Variants in AGAP1 observed in about 807,000 individuals in gnomAD.
AGAP1 encodes ArfGAP with GTPase domain, ankyrin repeat and PH domain 1, also known as arf-GAP with GTPase, ANK repeat and PH domain-containing protein 1.
In AGAP1, 29 loss-of-function variants were observed where a neutral mutation model predicts 105.3. That is an observed-to-expected ratio of 0.28 (90% confidence interval 0.21 to 0.38). The LOEUF is 0.38. Among genes scored for constraint, AGAP1 ranks in the 10% least tolerant of loss-of-function variants. AGAP1 has a pLI of 1.00. For missense variants in AGAP1, 998 were observed against 1,165.1 expected, an observed-to-expected ratio of 0.86 and a Z score of 2.09; for synonymous variants, 509 against 485.9, an observed-to-expected ratio of 1.05 and a Z score of -0.63.
intron 16 of AGAP1, among the ~76,000 whole-genome samples, chr2:236,100,169 G>A (rs1181746100): frequency 6.6e-6 from 1 of 152,162 alleles, no homozygotes; most frequent in Non-Finnish European, 1.5e-5. Flanking sequence ...AGACCCCTGA[G>A]GCCCCCTCCG....
intron 1 of AGAP1, among the ~76,000 whole-genome samples, chr2:235,677,970 ATTCTGT>A (rs1948844816): frequency 7.6e-6 from 1 of 130,824 alleles, no homozygotes; most frequent in Non-Finnish European, 1.6e-5. Context: ...AAAACCAGTT[ATTCTGT>A]GAAAATATGC....
At chr2:235,949,554 C>T (rs896380391) in intron 12 of AGAP1, among the ~76,000 whole-genome samples, 1 of 152,146 alleles carries the variant, frequency 6.6e-6, no homozygotes, top group African/African-American at 2.4e-5. Flanking sequence ...TTAAATCCCT[C>T]GAACACCCAA....
rs1317620136 is a variant in AGAP1, at chr2:235,689,964, A to AT, written c.164-19209dup. On this transcript the variant is annotated intron_variant, in intron 1 of 17. Coordinates refer to ENST00000304032, the MANE Select transcript of AGAP1 (RefSeq NM_001037131.3). The surrounding 1 kb of genome is among the most constrained non-coding windows in gnomAD (Gnocchi z 4.2). ...GCTTTTGTTTATTTTCCCTGGTCTA[A>AT]TTTTTTCAGATGGTAAATAGATCGC... Among the ~76,000 whole-genome samples the AT allele has an allele frequency of 1.3e-5, 2 of 151,494 alleles. No homozygotes were observed. The highest frequency in any genetic ancestry group is 2.9e-5 in the Non-Finnish European group (2 of 67,886).
intron 13 of AGAP1, among the ~76,000 whole-genome samples, chr2:236,004,780 A>G (rs1211008569): frequency 6.6e-6 from 1 of 152,214 alleles, no homozygotes; most frequent in Non-Finnish European, 1.5e-5. Context: ...AATGTGACAT[A>G]TAGTGTGTGT....
intron 1 of AGAP1, among the ~76,000 whole-genome samples, chr2:235,558,361 G>A (rs546447406): frequency 1.2e-3 from 177 of 152,180 alleles, no homozygotes; most frequent in Middle Eastern, 0.01. Context: ...GTCTTTCTTG[G>A]TTTTGGTTTC....
rs993402096 is a variant in AGAP1 at position 235,546,557 on chromosome 2, A to G, written c.163+51708A>G. 1.6e-4 allele frequency among the ~76,000 whole-genome samples: 25 copies of G among 152,224 alleles called. No homozygotes were observed. The East Asian group carries it at 4.6e-3, about 28-fold the overall frequency. Reference sequence around the variant, plus strand: ...CCAGGCTGTGGCCCTTCCAAGGTGAATGGTGGTTTCCATCCAGGGTTCAGG... The same window carrying G: ...CCAGGCTGTGGCCCTTCCAAGGTGAGTGGTGGTTTCCATCCAGGGTTCAGG... On this transcript the variant is annotated intron_variant, in intron 1 of 17. Transcript: ENST00000304032.
chr2:235,570,893 G>A (rs1204667603), intron 1 of AGAP1, among the ~76,000 whole-genome samples: 1 of 152,212 alleles, frequency 6.6e-6, no homozygotes, highest in Non-Finnish European at 1.5e-5. Context: ...TTCTCACACG[G>A]CTATAAAGGA....
chr2:235,778,586 T>C (rs1003026796), intron 6 of AGAP1, among the ~76,000 whole-genome samples: 2 of 152,132 alleles, frequency 1.3e-5, no homozygotes, highest in Non-Finnish European at 2.9e-5. Flanking sequence ...CCCCCTCTCC[T>C]CCCTAGTTCA....
In AGAP1 at chr2:236,076,791, G is replaced by T. The variant is rs957680395; in HGVS notation, c.2114+27510G>T. On this transcript the variant is annotated intron_variant, in intron 16 of 17. Transcript: ENST00000304032. This position sits in a 1 kb window ranked among gnomAD's most constrained non-coding sequence, Gnocchi z 4.4. ...TCCAGTGAGCCAGGGCTACATTTTGGGAAGTGACTGTATCCTACAGAGTAG... is the reference window on the plus strand; with the variant it reads ...TCCAGTGAGCCAGGGCTACATTTTGTGAAGTGACTGTATCCTACAGAGTAG... Among the ~76,000 whole-genome samples the T allele has an allele frequency of 6.6e-6, 1 of 151,930 alleles. No homozygotes were observed. The highest frequency in any genetic ancestry group is 2.4e-5 in the African/African-American group (1 of 41,358).
chr2:235,979,612 C>T lies in AGAP1; in HGVS notation c.1645+10989C>T, dbSNP rs988802663. On this transcript the variant is annotated intron_variant, in intron 13 of 17. Coordinates refer to ENST00000304032, the MANE Select transcript of AGAP1 (RefSeq NM_001037131.3). This position sits in a 1 kb window ranked among gnomAD's most constrained non-coding sequence, Gnocchi z 4.5. Reference sequence around the variant, plus strand: ...GAAAGAACAGGCGCAGCGAACGTTCCGGCAGGCATTGCCGTGCACGGACAC... The same window carrying T: ...GAAAGAACAGGCGCAGCGAACGTTCTGGCAGGCATTGCCGTGCACGGACAC... 4.3e-4 allele frequency among the ~76,000 whole-genome samples: 66 copies of T among 152,244 alleles called. 1 individual carries two copies. The highest frequency in any genetic ancestry group is 1.4e-3 in the African/African-American group (58 of 41,566).
chr2:235,703,968 C>T (rs1204873077), intron 1 of AGAP1, among the ~76,000 whole-genome samples: 7 of 152,186 alleles, frequency 4.6e-5, no homozygotes, highest in African/African-American at 9.7e-5. Flanking sequence ...AGCCACCTCG[C>T]GCCCGACCAG....
chr2:235,520,434 C>T (rs1192859604), intron 1 of AGAP1, among the ~76,000 whole-genome samples: 1 of 152,142 alleles, frequency 6.6e-6, no homozygotes, highest in East Asian at 1.9e-4. Context: ...CCCTTGGAGT[C>T]AGTCAGCGTG....
chr2:235,630,856 G>A (rs1333223248), intron 1 of AGAP1, among the ~76,000 whole-genome samples: 1 of 152,156 alleles, frequency 6.6e-6, no homozygotes, highest in Admixed American at 6.5e-5. Context: ...CTAATGATTT[G>A]AACTGAGGTC....
Position 235,631,575 on chromosome 2 carries a change from A to C in AGAP1, c.164-77604A>C, listed in dbSNP as rs1317327615. ...TGAGGGCACCCTTCCTAGAGGACCT[A>C]TTTCCTCTTGGTGCTCTTCTGCTTT... On this transcript the variant is annotated intron_variant, in intron 1 of 17. Coordinates refer to ENST00000304032, the MANE Select transcript of AGAP1 (RefSeq NM_001037131.3). This position sits in a 1 kb window ranked among gnomAD's most constrained non-coding sequence, Gnocchi z 5.4. Among the ~76,000 whole-genome samples the C allele has an allele frequency of 6.6e-6, 1 of 152,046 alleles. No individual in the cohort carries two copies. The highest frequency in any genetic ancestry group is 1.5e-5 in the Non-Finnish European group (1 of 68,006).
chr2:235,760,379 AAAAAACAAAACC>A (rs537057745), intron 6 of AGAP1, among the ~76,000 whole-genome samples: 29 of 152,374 alleles, frequency 1.9e-4, no homozygotes, highest in African/African-American at 6.7e-4. Flanking sequence ...ACTCCGTCTC[AAAAAACAAAACC>A]AAAAACAAAA....
At position 235,958,477 on chromosome 2, in the gene AGAP1, G is replaced by C. The variant is rs932073541; in HGVS notation, c.1484-9985G>C. Among the ~76,000 whole-genome samples, 6 of 152,104 alleles carry C rather than the reference G, an allele frequency of 3.9e-5. No homozygotes were observed. Among genetic ancestry groups the C allele is most frequent in the African/African-American group, 1.4e-4 (6 of 41,410 alleles). ...GAGGGATATGAGAATCACAAGCACA[G>C]AGACTCATCTCTTGAATATCACCCG... On this transcript the variant is annotated intron_variant, in intron 12 of 17. Coordinates refer to ENST00000304032, the MANE Select transcript of AGAP1 (RefSeq NM_001037131.3). The surrounding 1 kb of genome is among the most constrained non-coding windows in gnomAD (Gnocchi z 4.1).
chr2:236,041,291 G>C (rs1374143330), intron 15 of AGAP1, among the ~76,000 whole-genome samples: 3 of 150,362 alleles, frequency 2.0e-5, no homozygotes, highest in Non-Finnish European at 3.0e-5. Context: ...CATAAAAATA[G>C]AATATAATTG....
At chr2:235,717,959 TGACTG>T (rs1951202424) in intron 3 of AGAP1, among the ~76,000 whole-genome samples, 1 of 152,210 alleles carries the variant, frequency 6.6e-6, no homozygotes, top group Admixed American at 6.5e-5. Flanking sequence ...CTTTAAATAT[TGACTG>T]GACATTCCTG....
rs930972275 is a variant in AGAP1 at position 235,979,946 on chromosome 2, C to G, written c.1645+11323C>G. 5.9e-5 allele frequency among the ~76,000 whole-genome samples: 9 copies of G among 152,194 alleles called. 1 individual carries two copies. Among genetic ancestry groups the G allele is most frequent in the African/African-American group, 1.7e-4 (7 of 41,450 alleles). On this transcript the variant is annotated intron_variant, in intron 13 of 17. Coordinates refer to ENST00000304032, the MANE Select transcript of AGAP1 (RefSeq NM_001037131.3). This position sits in a 1 kb window ranked among gnomAD's most constrained non-coding sequence, Gnocchi z 4.5. ...TATCTGCCACCTCGTCGCCTTGCTG[C>G]CTCTGCATGCAGTAAAATACAAAAA...
Sources: allele counts gnomAD v4.1 joint callset (sites outside exome capture counted in the v4.1 genomes callset), GRCh38; gene constraint gnomAD v4.1.1; non-coding constraint Gnocchi (gnomAD v3.1); transcripts MANE v1.5; gene names NCBI Gene and HGNC (gene_info 2026-07-23, HGNC 2026-07-21).